The following BCAR1 variants were observed in gnomAD, a reference collection of about 807,000 sequenced individuals.
BCAR1 encodes breast cancer anti-estrogen resistance protein 1.
Under a neutral mutation model 67.6 loss-of-function variants are expected in BCAR1, and 30 were observed. The ratio of observed to expected loss-of-function variants is 0.44; its 90% CI spans 0.33 to 0.60. The LOEUF (loss-of-function observed/expected upper bound fraction) is 0.60. BCAR1 is among the 20% of genes least tolerant of loss of function. BCAR1 has a pLI of 0.02. For missense variants in BCAR1, 1,313 were observed against 1,222.3 expected (o/e 1.07, Z -1.11); for synonymous variants, 626 against 556.7 (o/e 1.12, Z -1.75).
chr16:75,261,843 C>T (rs572256702), intron 1 of BCAR1, among the ~76,000 whole-genome samples: 1 of 152,342 alleles, frequency 6.6e-6, no homozygotes, highest in East Asian at 1.9e-4. Flanking sequence ...ACGCTGGCTG[C>T]CCAGGAGTCA....
At chr16:75,260,917 C>A (rs556204333) in intron 1 of BCAR1, among the ~76,000 whole-genome samples, 57 of 152,288 alleles carry the variant, frequency 3.7e-4, no homozygotes, top group East Asian at 1.2e-3. Context: ...TTACATAATT[C>A]CAGATCTTTT....
intron 5 of BCAR1, 126 bp from the exon 6 acceptor site, chr16:75,234,061 G>A (rs184329095): frequency 4.6e-5 from 37 of 796,762 alleles, no homozygotes; most frequent in Non-Finnish European, 6.4e-5. Flanking sequence ...GCACACACAC[G>A]CACACGTGGA....
intron 1 of BCAR1, chr16:75,263,740 G>A (rs2077952042): frequency 2.0e-6 from 2 of 985,868 alleles, no homozygotes; most frequent in Non-Finnish European, 2.4e-6. Flanking sequence ...AAATGGATGG[G>A]TGTGCTTAAA....
chr16:75,243,563 T>C (rs1965735799), intron 1 of BCAR1: 1 of 465,970 alleles, frequency 2.1e-6, no homozygotes, highest in Non-Finnish European at 4.3e-6. Flanking sequence ...AGAGCTTCCT[T>C]AACAAAGTCT....
chr16:75,237,554 G>T, intron 2 of BCAR1: 1 of 566,616 alleles, frequency 1.8e-6, no homozygotes, highest in Non-Finnish European at 2.8e-6. Flanking sequence ...AGAACTCTGG[G>T]TTTTATTCAG....
chr16:75,231,333 CCT>C (rs1236003712), intron 6 of BCAR1, among the ~76,000 whole-genome samples: 1 of 152,158 alleles, frequency 6.6e-6, no homozygotes, highest in Non-Finnish European at 1.5e-5. Context: ...GATCCTCCCG[CCT>C]CTGTCTCCCA....
chr16:75,265,737 A>G (rs2077995558), intron 1 of BCAR1: 3 of 1,179,976 alleles, frequency 2.5e-6, no homozygotes, highest in Non-Finnish European at 3.1e-6. Flanking sequence ...CCGGGAGCCA[A>G]CGCGGCATCA....
rs752124217 is a variant in BCAR1, at chr16:75,233,796, T to C, written c.2100+50A>G. On this transcript the variant is annotated intron_variant, in intron 6 of 6. Coordinates refer to ENST00000162330, the MANE Select transcript of BCAR1 (RefSeq NM_014567.5). ...GCCCTGCAGGGCAAGAGCTGGGGGCTCAGGGGGTCAGCGGGCAAAGCTGGG... is the reference window on the plus strand; with the variant it reads ...GCCCTGCAGGGCAAGAGCTGGGGGCCCAGGGGGTCAGCGGGCAAAGCTGGG... The C allele has an allele frequency of 1.5e-5, 23 of 1,534,570 alleles. No homozygotes were observed. The Admixed American group carries it at 1.5e-4, about 10-fold the overall frequency.
At chr16:75,261,331 G>C (rs1283566244) in intron 1 of BCAR1, among the ~76,000 whole-genome samples, 1 of 152,204 alleles carries the variant, frequency 6.6e-6, no homozygotes, top group African/African-American at 2.4e-5. Context: ...GAACACCAGG[G>C]CACCAGTGGT....
intron 1 of BCAR1, among the ~76,000 whole-genome samples, chr16:75,257,280 G>A (rs925605508): frequency 1.2e-4 from 19 of 152,120 alleles, no homozygotes; most frequent in African/African-American, 4.6e-4. Context: ...CCCACTCCCG[G>A]CCGCTTTCAT....
intron 1 of BCAR1, chr16:75,248,227 T>A: frequency 6.5e-7 from 1 of 1,534,928 alleles, no homozygotes; most frequent in East Asian, 2.5e-5. Context: ...CCAGAGGAAA[T>A]GTCACAGGCC....
At chr16:75,252,690 A>T (rs1304664806), upstream of BCAR1, among the ~76,000 whole-genome samples, 1 of 152,222 alleles carries the variant, frequency 6.6e-6, no homozygotes, top group Non-Finnish European at 1.5e-5. Flanking sequence ...GCAGCGGGGT[A>T]GACCCGGCTT....
At chr16:75,244,451 C>T (rs1347316350) in intron 1 of BCAR1, among the ~76,000 whole-genome samples, 1 of 152,236 alleles carries the variant, frequency 6.6e-6, no homozygotes, top group Non-Finnish European at 1.5e-5. Flanking sequence ...ACCCTCCTCC[C>T]CTATATGAGC....
Position 75,229,477 on chromosome 16 carries a change from C to G in BCAR1, c.*34G>C. Reference sequence around the variant, plus strand: ...GAGCCAGGGAGCTGGGACCGCCGCACCCCTCCCCTGCCTCCCTCCTGGGGT... The same window carrying G: ...GAGCCAGGGAGCTGGGACCGCCGCAGCCCTCCCCTGCCTCCCTCCTGGGGT... On this transcript the variant is annotated 3_prime_UTR_variant, in exon 7 of 7. Transcript: ENST00000162330. 3 of 1,496,686 alleles carry G rather than the reference C, an allele frequency of 2.0e-6. No homozygotes were observed. The highest frequency in any genetic ancestry group is 2.4e-5 in the East Asian group (1 of 41,274). 92.7% of individuals were successfully genotyped at this position (1,496,686 alleles called of 1,614,324 possible).
intron 5 of BCAR1, among the ~76,000 whole-genome samples, chr16:75,234,161 A>ACACACG (rs1226061095): frequency 1.2e-4 from 3 of 25,176 alleles, no homozygotes; most frequent in African/African-American, 2.6e-4. Flanking sequence ...GGGCAGGCAG[A>ACACACG]CAGACACACA....
Position 75,233,844 on chromosome 16 carries a change from A to T in BCAR1, c.2100+2T>A. On this transcript the variant is annotated splice_donor_variant, in intron 6 of 6. Coordinates refer to ENST00000162330, the MANE Select transcript of BCAR1 (RefSeq NM_014567.5). LOFTEE classifies it high-confidence loss of function. ...GGGCCTTGCTCTGCTCCGGGGCCTC[A>T]CCTGCTGCAACTCCAGCTGGCTCTT... is the stretch of plus-strand genomic sequence containing the variant. The T allele has an allele frequency of 6.2e-7, 1 of 1,601,408 alleles. No homozygotes were observed. Among genetic ancestry groups the T allele is most frequent in the Non-Finnish European group, 8.5e-7 (1 of 1,174,248 alleles).
intron 4 of BCAR1, chr16:75,236,354 T>A (rs1017342715): frequency 8.7e-6 from 3 of 346,606 alleles, no homozygotes; most frequent in Admixed American, 4.6e-5. Context: ...AAAGGTTAGC[T>A]GTGATACTGC....
intron 4 of BCAR1, 124 bp downstream of exon 4, chr16:75,236,758 C>T (rs890397356): frequency 1.4e-6 from 2 of 1,417,640 alleles, no homozygotes; most frequent in South Asian, 1.7e-5. Context: ...GAACCAGGGT[C>T]TGGAGCCAGT....
intron 1 of BCAR1, among the ~76,000 whole-genome samples, chr16:75,262,542 C>T (rs1015198543): frequency 3.3e-5 from 5 of 152,118 alleles, no homozygotes; most frequent in African/African-American, 4.8e-5. Context: ...GAAGAGGGTG[C>T]GGCAGGGGCA....
Sources: allele counts gnomAD v4.1 joint callset (sites outside exome capture counted in the v4.1 genomes callset), GRCh38; gene constraint gnomAD v4.1.1; transcripts MANE v1.5; gene names NCBI Gene and HGNC (gene_info 2026-07-23, HGNC 2026-07-21).